Variants in ASMT observed in about 807,000 individuals in gnomAD.
The protein encoded by ASMT is acetylserotonin N-methyltransferase.
ASMT carries 53 observed loss-of-function variants against 41.3 expected under a neutral mutation model. That is an observed-to-expected ratio of 1.28 (90% CI 1.03 to 1.61). ASMT has a LOEUF of 1.61. ASMT is among the 40% of genes most tolerant of loss of function. The pLI is 0.00. For synonymous variants in ASMT, 231 were observed against 184.8 expected (o/e 1.25, Z -2.03); for missense variants, 531 against 441.3 (o/e 1.20, Z -1.82).
chrX:1,625,816 T>A (rs1449642713), intron 3 of ASMT, among the ~76,000 whole-genome samples: 1 of 151,252 alleles, frequency 6.6e-6, no homozygotes, highest in East Asian at 2.0e-4. Context: ...TAGCCGGGCG[T>A]GGTGGCGGGC....
At chrX:1,628,478 G>T (rs1339516134) in intron 4 of ASMT, among the ~76,000 whole-genome samples, 2 of 152,134 alleles carry the variant, frequency 1.3e-5, no homozygotes, top group Non-Finnish European at 2.9e-5. Flanking sequence ...AGATGGAGGT[G>T]AATTGATGGG....
chrX:1,616,857 C>CGTGT (rs1569368647), intron 1 of ASMT, among the ~76,000 whole-genome samples: 1 of 151,420 alleles, frequency 6.6e-6, no homozygotes, highest in Non-Finnish European at 1.5e-5. Context: ...TACAGGCACC[C>CGTGT]GCCACCACGC....
chrX:1,623,577 C>T (rs1174026835), intron 2 of ASMT, among the ~76,000 whole-genome samples: 3 of 152,000 alleles, frequency 2.0e-5, no homozygotes, highest in Admixed American at 6.6e-5. Context: ...CCAGTCTGGG[C>T]GACAGAGCGA....
Position 1,636,597 on chromosome X carries a change from G to A in ASMT, c.910+37G>A, listed in dbSNP as rs367728838. ...GGTTTGCATTTCAGCGTGTGCTTGT[G>A]ACACGGGGCAGAATTGTACGAGTCA... On this transcript the variant is annotated intron_variant, in intron 8 of 8. Transcript: ENST00000381241. The A allele has an allele frequency of 1.9e-5, 31 of 1,613,684 alleles. No individual in the cohort carries two copies. The East Asian group carries it at 6.2e-4, about 32-fold the overall frequency.
At chrX:1,624,155 A>G in intron 2 of ASMT, 114 bp from the exon 3 acceptor site, 1 of 1,374,968 alleles carries the variant, frequency 7.3e-7, no homozygotes, top group Non-Finnish European at 1.0e-6. Flanking sequence ...ATCTCTAAAG[A>G]AGAGATGGGC....
intron 7 of ASMT, among the ~76,000 whole-genome samples, chrX:1,635,679 T>C (rs1934931850): frequency 6.6e-6 from 1 of 151,764 alleles, no homozygotes; most frequent in African/African-American, 2.4e-5. Context: ...CTCAGCAACA[T>C]GGAGAAATCC....
intron 4 of ASMT, among the ~76,000 whole-genome samples, chrX:1,628,642 C>A (rs1466311783): frequency 6.7e-6 from 1 of 148,498 alleles, no homozygotes; most frequent in Non-Finnish European, 1.5e-5. Flanking sequence ...CCTCTCTTTT[C>A]CTCTTCCATC....
intron 3 of ASMT, among the ~76,000 whole-genome samples, chrX:1,625,433 C>T (rs1934496825): frequency 6.6e-6 from 1 of 150,480 alleles, no homozygotes; most frequent in Non-Finnish European, 1.5e-5. Flanking sequence ...AAGGCAGAGG[C>T]TGCAATGAGC....
At chrX:1,627,633 CG>C (rs1934602094) in intron 3 of ASMT, 69 bp from the exon 4 acceptor site, 12 of 1,199,432 alleles carry the variant, frequency 1.0e-5, no homozygotes, top group African/African-American at 1.5e-5. Context: ...CGAAATGAAA[CG>C]AAATGAAATG....
At chrX:1,620,037 G>C (rs1934281507) in intron 1 of ASMT, among the ~76,000 whole-genome samples, 1 of 151,042 alleles carries the variant, frequency 6.6e-6, no homozygotes, top group Non-Finnish European at 1.5e-5. Flanking sequence ...AGCTTGCTGT[G>C]AGCCGAGATC....
In ASMT at chrX:1,642,852, T is replaced by C; in HGVS notation, c.960T>C (p.Gly320=). The C allele has an allele frequency of 6.2e-7, 1 of 1,613,884 alleles. No individual in the cohort carries two copies. Among genetic ancestry groups the C allele is most frequent in the African/African-American group, 1.3e-5 (1 of 75,008 alleles). The change falls in exon 9 of 9, where the codon GGT becomes GGC. Residue 320 remains glycine, a synonymous_variant. Transcript: ENST00000381241. ...IESLLDEDRR[G]PLLTQLYSLN... ...GCCTCCTGGATGAAGACAGGCGAGG[T>C]CCTCTGCTCACGCAGCTCTACTCTC...
chrX:1,618,625 C>T (rs757547472), intron 1 of ASMT, among the ~76,000 whole-genome samples: 16 of 150,068 alleles, frequency 1.1e-4, no homozygotes, highest in South Asian at 6.3e-4. Flanking sequence ...TTGGTAGAGA[C>T]GGGGTTTCAT....
intron 7 of ASMT, 21 bp downstream of exon 7, chrX:1,633,311 A>G: frequency 6.2e-7 from 1 of 1,613,756 alleles, no homozygotes; most frequent in East Asian, 2.2e-5. Flanking sequence ...GTCCGTGGGG[A>G]AGCAGAGATG....
At chrX:1,624,114 C>T (rs1454449414) in intron 2 of ASMT, 155 bp from the exon 3 acceptor site, 4 of 491,042 alleles carry the variant, frequency 8.1e-6, no homozygotes, top group Admixed American at 6.4e-5. Flanking sequence ...CCACAGAAGG[C>T]TCCAGCTGTA....
chrX:1,617,538 C>T (rs1934180750), intron 1 of ASMT, among the ~76,000 whole-genome samples: 1 of 152,096 alleles, frequency 6.6e-6, no homozygotes, highest in African/African-American at 2.4e-5. Flanking sequence ...TTTGAGATGT[C>T]TGCAGCAGCT....
chrX:1,625,847 G>C (rs771821226), intron 3 of ASMT, among the ~76,000 whole-genome samples: 1 of 151,034 alleles, frequency 6.6e-6, no homozygotes, highest in East Asian at 2.0e-4. Context: ...CCAGCTACTC[G>C]GAGAGGCTGA....
At chrX:1,630,603 C>T (rs1287682815) in intron 5 of ASMT, among the ~76,000 whole-genome samples, 6 of 151,986 alleles carry the variant, frequency 3.9e-5, no homozygotes, top group African/African-American at 1.5e-4. Context: ...GTCACCCAGG[C>T]TCGAGTGCAA....
In ASMT at chrX:1,621,193, C is replaced by T. The variant is rs113294849; in HGVS notation, c.70-1946C>T. ...CTAACTGTAAGTATCCTGGAAGACA[C>T]GTGGCCTGAAGAAACCATCTTTCCC... is the stretch of plus-strand genomic sequence containing the variant. On this transcript the variant is annotated intron_variant, in intron 1 of 8. Transcript: ENST00000381241. Among the ~76,000 whole-genome samples the T allele has an allele frequency of 8.5e-3, 1,296 of 152,286 alleles. 16 individuals carry two copies. Among genetic ancestry groups the T allele is most frequent in the African/African-American group, 0.029 (1,214 of 41,554 alleles).
chrX:1,629,657 G>C (rs751450814), intron 4 of ASMT, among the ~76,000 whole-genome samples, 164 bp from the exon 5 acceptor site: 1 of 152,250 alleles, frequency 6.6e-6, no homozygotes, highest in East Asian at 1.9e-4. Context: ...GCTGACCTAT[G>C]GTTCCCCCAT....
Sources: gnomAD v4.1 joint callset for allele counts (sites outside exome capture counted in the v4.1 genomes callset) on GRCh38, gnomAD v4.1.1 for gene constraint, MANE v1.5 for transcripts, NCBI Gene and HGNC (gene_info 2026-07-23, HGNC 2026-07-21) for gene names.